Variants in WDPCP observed in about 807,000 individuals in gnomAD.
The protein encoded by WDPCP is WD repeat-containing and planar cell polarity effector protein fritz homolog.
In WDPCP, 71 loss-of-function variants were observed where a neutral mutation model predicts 93.1. That is an observed-to-expected ratio of 0.76 (90% CI 0.63 to 0.93). The LOEUF is 0.93. WDPCP is among the 40% of genes least tolerant of loss of function. The pLI, the probability that WDPCP is intolerant of heterozygous loss-of-function variation, is 0.00. For synonymous variants in WDPCP, 315 were observed against 315.0 expected, an observed-to-expected ratio of 1.00 and a Z score of 0.00; for missense variants, 844 against 887.4, an observed-to-expected ratio of 0.95 and a Z score of 0.62.
At position 63,137,218 on chromosome 2, in the gene WDPCP, CTGT is replaced by C. The variant is rs149696628; in HGVS notation, c.2191-15165_2191-15163del. 8.0e-4 allele frequency among the ~76,000 whole-genome samples: 122 copies of C among 152,024 alleles called. 1 individual carries two copies. The Middle Eastern group carries it at 0.024, about 30-fold the overall frequency. ...CATTTCTCCACAAACTTGCCATCAT[CTGT>C]TGTTGTTGTTGTTGTTGTTGTTTAC... is the stretch of plus-strand genomic sequence containing the variant. On this transcript the variant is annotated intron_variant, in intron 17 of 17. Transcript: ENST00000272321.
At chr2:63,481,394 T>TCATCA (rs1700257899) in intron 6 of WDPCP, among the ~76,000 whole-genome samples, 1 of 152,030 alleles carries the variant, frequency 6.6e-6, no homozygotes, top group South Asian at 2.1e-4. Flanking sequence ...CTACTGGGTA[T>TCATCA]CTACCGAGAT....
chr2:63,306,054 G>A (rs1303957404), intron 13 of WDPCP, among the ~76,000 whole-genome samples: 1 of 152,108 alleles, frequency 6.6e-6, no homozygotes, highest in African/African-American at 2.4e-5. Context: ...AAATGATAAA[G>A]GGGATACCAC....
rs117432841 is a variant in WDPCP at position 63,402,166 on chromosome 2, G to A, written c.1435+1882C>T. On this transcript the variant is annotated intron_variant, in intron 10 of 17. Transcript: ENST00000272321. Reference sequence around the variant, plus strand: ...AAAGAATGAGATCATGTCCTTTGCCGGGACATGGACGAAGCTGGAAGCCGT... The same window carrying A: ...AAAGAATGAGATCATGTCCTTTGCCAGGACATGGACGAAGCTGGAAGCCGT... Among the ~76,000 whole-genome samples the A allele has an allele frequency of 2.6e-4, 40 of 152,240 alleles. No homozygotes were observed. The East Asian group carries it at 4.8e-3, about 18-fold the overall frequency.
At chr2:63,479,785 C>T (rs1290941417) in intron 6 of WDPCP, among the ~76,000 whole-genome samples, 1 of 152,000 alleles carries the variant, frequency 6.6e-6, no homozygotes, top group Non-Finnish European at 1.5e-5. Flanking sequence ...CACTTCTATT[C>T]AACATAGTAC....
chr2:63,171,599 C>A (rs1054566113), intron 15 of WDPCP, among the ~76,000 whole-genome samples: 2 of 152,138 alleles, frequency 1.3e-5, no homozygotes, highest in African/African-American at 4.8e-5. Flanking sequence ...TAAAATGTTA[C>A]AGGCACTTTG....
intron 12 of WDPCP, among the ~76,000 whole-genome samples, chr2:63,341,922 C>G (rs1688869091): frequency 6.6e-6 from 1 of 152,072 alleles, no homozygotes; most frequent in Non-Finnish European, 1.5e-5. Context: ...CTATTTGTGT[C>G]TTTGGATATA....
intron 14 of WDPCP, among the ~76,000 whole-genome samples, chr2:63,231,145 A>T (rs1187733844): frequency 1.3e-5 from 2 of 152,140 alleles, no homozygotes; most frequent in African/African-American, 2.4e-5. Context: ...AAAGACAAAA[A>T]CCACATGTAA....
intron 3 of WDPCP, among the ~76,000 whole-genome samples, chr2:63,647,385 C>T (rs1164962452): frequency 6.6e-6 from 1 of 152,142 alleles, no homozygotes; most frequent in Non-Finnish European, 1.5e-5. Context: ...CCACCTGCCT[C>T]GGCCTCCCAA....
chr2:63,758,728 C>A (rs1323048029), intron 2 of WDPCP, among the ~76,000 whole-genome samples: 2 of 152,130 alleles, frequency 1.3e-5, no homozygotes, highest in Non-Finnish European at 2.9e-5. Flanking sequence ...GCATGAGCCA[C>A]TGCGTACAGC....
At chr2:63,295,334 A>C (rs1276588324) in intron 13 of WDPCP, among the ~76,000 whole-genome samples, 1 of 152,108 alleles carries the variant, frequency 6.6e-6, no homozygotes, top group Non-Finnish European at 1.5e-5. Context: ...CAAACTTCCA[A>C]TCAAAAGACA....
chr2:63,389,926 G>A (rs1176550578), intron 10 of WDPCP, among the ~76,000 whole-genome samples: 1 of 152,122 alleles, frequency 6.6e-6, no homozygotes, highest in African/African-American at 2.4e-5. Context: ...AAGAGACTTA[G>A]ACTCCCACAC....
intron 12 of WDPCP, among the ~76,000 whole-genome samples, chr2:63,334,332 T>A (rs1688197181): frequency 6.6e-6 from 1 of 152,176 alleles, no homozygotes; most frequent in South Asian, 2.1e-4. Flanking sequence ...ATCAGAAGGT[T>A]CTGATATGTG....
chr2:63,521,233 T>A (rs1368670523), intron 1 of WDPCP, among the ~76,000 whole-genome samples: 2 of 152,176 alleles, frequency 1.3e-5, no homozygotes. Flanking sequence ...GTAAACATGC[T>A]AAATGCCCTA....
Position 63,620,622 on chromosome 2 carries a change from T to C in WDPCP, n.488+30037A>G, listed in dbSNP as rs193012085. On this transcript the variant is annotated intron_variant and non_coding_transcript_variant, in intron 3 of 4. Transcript: ENST00000467687. ...TTCAGCAGATTTAAACGTTCCTGTC[T>C]GCCAGCTCTGAAGAGAGCAGCAGAT... Among the ~76,000 whole-genome samples the C allele has an allele frequency of 1.5e-3, 235 of 152,348 alleles. 1 individual carries two copies. Among genetic ancestry groups the C allele is most frequent in the African/African-American group, 5.0e-3 (207 of 41,584 alleles).
rs199931621 is a variant in WDPCP, at chr2:63,604,063, ATATGT to A, written n.488+46591_488+46595del. On this transcript the variant is annotated intron_variant and non_coding_transcript_variant, in intron 3 of 4. Coordinates refer to the WDPCP transcript ENST00000467687. ...TGGAGTTATAGCTAGAGATTGTTAC[ATATGT>A]TATAATTTTAGAGTGTATATATGTG... Among the ~76,000 whole-genome samples, 1,434 of 152,342 alleles carry A rather than the reference ATATGT, an allele frequency of 9.4e-3. 19 individuals carry two copies. Among genetic ancestry groups the A allele is most frequent in the African/African-American group, 0.032 (1,318 of 41,582 alleles).
At chr2:63,833,974 TACACACAC>T in the WDPCP span, among the ~76,000 whole-genome samples, 1 of 149,784 alleles carries the variant, frequency 6.7e-6, no homozygotes, top group Non-Finnish European at 1.5e-5. Context: ...TATGCCAACA[TACACACAC>T]ACACACACAC....
chr2:63,204,710 T>C (rs953827857), intron 14 of WDPCP, among the ~76,000 whole-genome samples: 2 of 152,190 alleles, frequency 1.3e-5, no homozygotes, highest in East Asian at 1.9e-4. Context: ...ATGTTTTTTT[T>C]CATACAGAGT....
intron 1 of WDPCP, among the ~76,000 whole-genome samples, chr2:63,586,619 T>C (rs1299945988): frequency 6.6e-6 from 1 of 152,206 alleles, no homozygotes; most frequent in African/African-American, 2.4e-5. Flanking sequence ...CTGAGAAAAG[T>C]AACTTACAAT....
chr2:63,197,510 A>G (rs926032770), intron 14 of WDPCP, among the ~76,000 whole-genome samples: 6 of 152,224 alleles, frequency 3.9e-5, no homozygotes, highest in Non-Finnish European at 7.3e-5. Context: ...GGCAGTATTA[A>G]TAAGAATAAA....
Sources: gnomAD v4.1 joint callset for allele counts (sites outside exome capture counted in the v4.1 genomes callset) on GRCh38, gnomAD v4.1.1 for gene constraint, MANE v1.5 for transcripts, NCBI Gene and HGNC (gene_info 2026-07-23, HGNC 2026-07-21) for gene names.